Variants in ERLIN1 observed in about 807,000 individuals in gnomAD.
The protein encoded by ERLIN1 is erlin-1.
A neutral mutation model predicts 46.9 loss-of-function variants in ERLIN1; 24 were observed. That is an observed-to-expected ratio of 0.51 (90% CI 0.37 to 0.72). ERLIN1 has a LOEUF of 0.72. Ranked by LOEUF, ERLIN1 falls within the 30% of genes least tolerant of loss-of-function variation. The pLI, the probability that ERLIN1 is intolerant of heterozygous loss-of-function variation, is 0.00. For missense variants in ERLIN1, 293 were observed against 417.9 expected (o/e 0.70, Z 2.61); for synonymous variants, 158 against 143.2 (o/e 1.10, Z -0.74).
intron 4 of ERLIN1, among the ~76,000 whole-genome samples, chr10:100,176,581 A>T (rs1450065609): frequency 6.6e-6 from 1 of 152,246 alleles, no homozygotes; most frequent in Non-Finnish European, 1.5e-5. Flanking sequence ...GCAATTTTTT[A>T]AAGTTGTTAA....
intron 7 of ERLIN1, among the ~76,000 whole-genome samples, chr10:100,165,971 C>T (rs147959162): frequency 0.014 from 2,094 of 152,256 alleles, 24 homozygotes; most frequent in Non-Finnish European, 0.024. Flanking sequence ...GGTGATCCGC[C>T]GGCCTCAGCC....
chr10:100,173,104 T>C (rs1844095501), intron 6 of ERLIN1, among the ~76,000 whole-genome samples: 1 of 152,210 alleles, frequency 6.6e-6, no homozygotes, highest in Admixed American at 6.5e-5. Flanking sequence ...ACCCCACCTA[T>C]CTTTCAGTCT....
chr10:100,155,836 T>C (rs1489171008), intron 9 of ERLIN1, among the ~76,000 whole-genome samples: 5 of 152,202 alleles, frequency 3.3e-5, no homozygotes, highest in African/African-American at 1.2e-4. Flanking sequence ...TATTATCTTG[T>C]ATATTCTTTA....
intron 6 of ERLIN1, among the ~76,000 whole-genome samples, chr10:100,168,145 C>G (rs906265779): frequency 6.6e-6 from 1 of 152,092 alleles, no homozygotes; most frequent in African/African-American, 2.4e-5. Context: ...CTCTCAAAAG[C>G]TTTTGATTTT....
chr10:100,164,210 C>T, intron 7 of ERLIN1, 115 bp from the exon 8 acceptor site: 1 of 645,560 alleles, frequency 1.5e-6, no homozygotes, highest in Middle Eastern at 2.5e-4. Flanking sequence ...AGCTTTTGGA[C>T]CCATTAAGGT....
rs546839618 is a variant in ERLIN1, at chr10:100,174,707, A to G, written c.431-426T>C. 1.3e-4 allele frequency among the ~76,000 whole-genome samples: 20 copies of G among 152,304 alleles called. 1 individual carries two copies. The South Asian group carries it at 4.1e-3, about 32-fold the overall frequency. On this transcript the variant is annotated intron_variant, in intron 5 of 10. Coordinates refer to ENST00000421367, the MANE Select transcript of ERLIN1 (RefSeq NM_006459.4). Reference sequence around the variant, plus strand: ...CATTCTCAAAGAAAAACAAATTTCTATGTTCAGTAAATCTTTACTCAAATT... The same window carrying G: ...CATTCTCAAAGAAAAACAAATTTCTGTGTTCAGTAAATCTTTACTCAAATT...
At chr10:100,155,508 A>C (rs7912631) in intron 9 of ERLIN1, among the ~76,000 whole-genome samples, 1 of 137,610 alleles carries the variant, frequency 7.3e-6, no homozygotes, top group Admixed American at 7.4e-5. Flanking sequence ...GGGTTTATTT[A>C]TTTTTAATTT....
chr10:100,162,419 A>C (rs1421713405), intron 8 of ERLIN1, among the ~76,000 whole-genome samples: 1 of 152,222 alleles, frequency 6.6e-6, no homozygotes, highest in African/African-American at 2.4e-5. Flanking sequence ...ATGGGAATTC[A>C]AATATGGCAG....
Position 100,152,071 on chromosome 10 carries a change from T to C in ERLIN1, c.*60A>G, listed in dbSNP as rs1057266778. 2.0e-6 allele frequency: 2 copies of C among 1,018,848 alleles called. No homozygotes were observed. Among genetic ancestry groups the C allele is most frequent in the African/African-American group, 3.1e-5 (2 of 63,674 alleles). 63.1% of individuals were successfully genotyped at this position (1,018,848 alleles called of 1,614,324 possible). A position where few individuals can be genotyped will look rare whatever the true frequency, so the allele number is the denominator to read the frequency against. On this transcript the variant is annotated 3_prime_UTR_variant, in exon 11 of 11. Coordinates refer to ENST00000421367, the MANE Select transcript of ERLIN1 (RefSeq NM_006459.4). ...TAAATCTGAAGAGTCCGTATAATGA[T>C]TGTTCCCACTTAACCCCTTGGGCCA... is the stretch of plus-strand genomic sequence containing the variant.
At chr10:100,177,414 T>C (rs1194211006) in intron 4 of ERLIN1, among the ~76,000 whole-genome samples, 1 of 152,222 alleles carries the variant, frequency 6.6e-6, no homozygotes, top group African/African-American at 2.4e-5. Context: ...TATTTGTGCC[T>C]GTACCGGTTA....
intron 1 of ERLIN1, among the ~76,000 whole-genome samples, chr10:100,184,118 T>C (rs1054814672): frequency 5.3e-5 from 8 of 152,358 alleles, no homozygotes; most frequent in Admixed American, 5.2e-4. Flanking sequence ...TTCTCCTCGG[T>C]CTTTAACCTT....
intron 3 of ERLIN1, 123 bp from the exon 4 acceptor site, chr10:100,178,317 C>T (rs1023494423): frequency 1.9e-5 from 12 of 616,920 alleles, no homozygotes; most frequent in South Asian, 1.7e-4. Flanking sequence ...AGAAAGAGTT[C>T]GCTTCCTTTT....
chr10:100,155,024 C>T (rs899852265), intron 9 of ERLIN1, 85 bp from the exon 10 acceptor site: 2 of 1,113,452 alleles, frequency 1.8e-6, no homozygotes, highest in African/African-American at 3.1e-5. Flanking sequence ...ATTGTGACTG[C>T]TTATTTCACA....
Position 100,152,102 on chromosome 10 carries a change from T to A in ERLIN1, c.*29A>T, listed in dbSNP as rs761894542. On this transcript the variant is annotated 3_prime_UTR_variant, in exon 11 of 11. Coordinates refer to ENST00000421367, the MANE Select transcript of ERLIN1 (RefSeq NM_006459.4). ...CCACTTAACCCCTTGGGCCACATCT[T>A]GATATGGAGAACATTTCCACCTCTT... The A allele has an allele frequency of 2.1e-6, 3 of 1,415,402 alleles. No homozygotes were observed. Among genetic ancestry groups the A allele is most frequent in the Non-Finnish European group, 3.0e-6 (3 of 998,972 alleles). 87.7% of individuals were successfully genotyped at this position (1,415,402 alleles called of 1,614,324 possible).
chr10:100,175,872 T>C, intron 5 of ERLIN1, 73 bp downstream of exon 5: 1 of 1,364,736 alleles, frequency 7.3e-7, no homozygotes, highest in Non-Finnish European at 1.0e-6. Context: ...GGTTTACCAA[T>C]ATAACCTCAA....
intron 8 of ERLIN1, 24 bp from the exon 9 acceptor site, chr10:100,156,258 A>T (rs1288357933): frequency 6.6e-7 from 1 of 1,520,654 alleles, no homozygotes; most frequent in Admixed American, 1.7e-5. Context: ...ACATAAGAAG[A>T]CACATTCAAA....
In ERLIN1 at chr10:100,169,330, T is replaced by C. The variant is rs374874445; in HGVS notation, c.505-1924A>G. ...AAATGGCTAATGAAAGGAATATATG[T>C]ATTGAAACTGACCCCTGGGTTTTAA... On this transcript the variant is annotated intron_variant, in intron 6 of 10. Coordinates refer to ENST00000421367, the MANE Select transcript of ERLIN1 (RefSeq NM_006459.4). Among the ~76,000 whole-genome samples the C allele has an allele frequency of 5.0e-3, 766 of 152,176 alleles. 9 individuals are homozygous for C. Among genetic ancestry groups the C allele is most frequent in the South Asian group, 0.045 (216 of 4,820 alleles).
chr10:100,183,699 G>GT, intron 2 of ERLIN1, 57 bp downstream of exon 2: 1 of 1,144,946 alleles, frequency 8.7e-7, no homozygotes, highest in Non-Finnish European at 1.3e-6. Flanking sequence ...CACAAGTGTG[G>GT]TAACTCCTGT....
chr10:100,185,135 A>T (rs1308395778), intron 1 of ERLIN1, among the ~76,000 whole-genome samples: 1 of 152,166 alleles, frequency 6.6e-6, no homozygotes, highest in African/African-American at 2.4e-5. Context: ...AAAGTCTAAG[A>T]AACAACCATA....
Sources: gnomAD v4.1 joint callset for allele counts (sites outside exome capture counted in the v4.1 genomes callset) on GRCh38, gnomAD v4.1.1 for gene constraint, MANE v1.5 for transcripts, NCBI Gene and HGNC (gene_info 2026-07-23, HGNC 2026-07-21) for gene names.